CACNA2D3: variants seen among roughly 807,000 people sequenced by gnomAD.
The protein encoded by CACNA2D3 is calcium voltage-gated channel auxiliary subunit alpha2delta 3, also known as voltage-dependent calcium channel subunit alpha-2/delta-3.
A neutral mutation model predicts 160.6 loss-of-function variants in CACNA2D3; 60 were observed. That is an observed-to-expected ratio of 0.37 (90% confidence interval 0.30 to 0.46). CACNA2D3 has a LOEUF of 0.46. CACNA2D3 is among the 20% of genes least tolerant of loss of function. The pLI, the probability that CACNA2D3 is intolerant of heterozygous loss-of-function variation, is 1.00. For synonymous variants in CACNA2D3, 558 were observed against 492.9 expected (o/e 1.13, Z -1.75); for missense variants, 1,205 against 1,365.0 (o/e 0.88, Z 1.85).
rs181364177 is a variant in CACNA2D3, at chr3:54,591,283, A to T, written c.963+9406A>T. Among the ~76,000 whole-genome samples, 100 of 152,274 alleles carry T rather than the reference A, an allele frequency of 6.6e-4. 3 individuals are homozygous for T. In the South Asian group the frequency reaches 9.5e-3, roughly 15 times the overall value. On this transcript the variant is annotated intron_variant, in intron 9 of 37. Coordinates refer to ENST00000474759, the MANE Select transcript of CACNA2D3 (RefSeq NM_018398.3). ...TCCCCTCTCCCCAGCTATCTCCTCT[A>T]GGTGTCTTCCGTGAACTCTGATTGG...
At chr3:54,847,196 C>T (rs1053618829) in intron 17 of CACNA2D3, among the ~76,000 whole-genome samples, 7 of 152,218 alleles carry the variant, frequency 4.6e-5, no homozygotes, top group African/African-American at 1.4e-4. Flanking sequence ...ATGTTTGCCA[C>T]CCCTGAACTA....
chr3:54,586,767 C>T (rs1029865720), intron 9 of CACNA2D3, among the ~76,000 whole-genome samples: 6 of 152,042 alleles, frequency 3.9e-5, no homozygotes, highest in Non-Finnish European at 5.9e-5. Flanking sequence ...GATAAAACAT[C>T]CTGGGTCATA....
intron 4 of CACNA2D3, among the ~76,000 whole-genome samples, chr3:54,459,446 T>A (rs1700458515): frequency 6.7e-6 from 1 of 150,098 alleles, no homozygotes; most frequent in East Asian, 1.9e-4. Context: ...GTTTCCTGAC[T>A]TTTTAATGAT....
At chr3:54,351,278 G>A (rs947396756) in intron 3 of CACNA2D3, among the ~76,000 whole-genome samples, 6 of 151,932 alleles carry the variant, frequency 3.9e-5, no homozygotes, top group African/African-American at 1.5e-4. Flanking sequence ...TACCGCGCCC[G>A]GCCTTGAGTC....
intron 21 of CACNA2D3, among the ~76,000 whole-genome samples, chr3:54,884,175 A>G (rs1414904967): frequency 6.6e-6 from 1 of 152,184 alleles, no homozygotes; most frequent in African/African-American, 2.4e-5. Context: ...AGATAGATGG[A>G]TTGTACTAGG....
At chr3:54,421,223 C>G (rs568366066) in intron 4 of CACNA2D3, among the ~76,000 whole-genome samples, 1 of 152,302 alleles carries the variant, frequency 6.6e-6, no homozygotes, top group African/African-American at 2.4e-5. Flanking sequence ...GCCTTGTGTG[C>G]TTCTTACTGT....
At chr3:54,382,609 C>G (rs1699121347) in intron 3 of CACNA2D3, among the ~76,000 whole-genome samples, 1 of 152,172 alleles carries the variant, frequency 6.6e-6, no homozygotes, top group Non-Finnish European at 1.5e-5. Context: ...ATGGTGAAAC[C>G]CCATCTCTGC....
intron 9 of CACNA2D3, among the ~76,000 whole-genome samples, chr3:54,624,954 C>T (rs1559530307): frequency 6.6e-6 from 1 of 152,248 alleles, no homozygotes; most frequent in Non-Finnish European, 1.5e-5. Flanking sequence ...TGCCCAACTA[C>T]AGCTGGGACG....
chr3:54,888,126 G>T, intron 24 of CACNA2D3, 74 bp downstream of exon 24: 1 of 1,181,298 alleles, frequency 8.5e-7, no homozygotes, highest in Non-Finnish European at 1.3e-6. Context: ...ATGGTTTAAA[G>T]AACTAAACTG....
chr3:54,891,171 A>G (rs1040429686), intron 24 of CACNA2D3, among the ~76,000 whole-genome samples, 184 bp from the exon 25 acceptor site: 13 of 132,984 alleles, frequency 9.8e-5, no homozygotes, highest in Non-Finnish European at 1.7e-4. Flanking sequence ...CAAGTTGGCA[A>G]TCTGTGCTCG....
chr3:54,931,087 CT>C (rs1701177309), intron 27 of CACNA2D3, among the ~76,000 whole-genome samples: 1 of 152,190 alleles, frequency 6.6e-6, no homozygotes, highest in African/African-American at 2.4e-5. Flanking sequence ...CAGAGTGAGA[CT>C]CCTTCTCAAA....
At chr3:54,868,069 G>A (rs887794071) in intron 17 of CACNA2D3, among the ~76,000 whole-genome samples, 1 of 152,178 alleles carries the variant, frequency 6.6e-6, no homozygotes, top group Non-Finnish European at 1.5e-5. Context: ...GCCACTCTCT[G>A]GCCTTTTAAT....
At chr3:54,739,089 C>G (rs1309624411) in intron 11 of CACNA2D3, among the ~76,000 whole-genome samples, 2 of 151,740 alleles carry the variant, frequency 1.3e-5, no homozygotes, top group African/African-American at 4.8e-5. Flanking sequence ...CGAGATCATG[C>G]CACTGCATTC....
intron 4 of CACNA2D3, among the ~76,000 whole-genome samples, chr3:54,421,878 G>C (rs536574801): frequency 8.5e-4 from 130 of 152,212 alleles, no homozygotes; most frequent in Middle Eastern, 6.8e-3. Flanking sequence ...ACTGGGATAA[G>C]AGCCCTTGTC....
chr3:54,141,094 C>CGCGCGCGCGCGCACGTGCGCGCGCACGT (rs768348036), intron 2 of CACNA2D3, among the ~76,000 whole-genome samples: 2 of 81,892 alleles, frequency 2.4e-5, no homozygotes, highest in Non-Finnish European at 6.1e-5. Flanking sequence ...TGTGCGCGCG[C>CGCGCGCGCGCGCACGTGCGCGCGCACGT]GCGCGTGTGT....
At chr3:54,894,959 C>A (rs1460728809) in intron 25 of CACNA2D3, among the ~76,000 whole-genome samples, 3 of 151,264 alleles carry the variant, frequency 2.0e-5, no homozygotes, top group African/African-American at 7.3e-5. Flanking sequence ...CCAAAGTTGG[C>A]CTTAGCCTTC....
intron 4 of CACNA2D3, among the ~76,000 whole-genome samples, chr3:54,414,674 AT>A (rs755143355): frequency 1.3e-5 from 2 of 150,548 alleles, no homozygotes; most frequent in African/African-American, 2.4e-5. Flanking sequence ...TTGTTACAAC[AT>A]TTTTTTTTCT....
intron 11 of CACNA2D3, among the ~76,000 whole-genome samples, chr3:54,666,966 C>A (rs1428346935): frequency 1.3e-5 from 2 of 152,192 alleles, no homozygotes; most frequent in African/African-American, 4.8e-5. Context: ...CATTTGAGGG[C>A]AGTTCTCTGG....
At chr3:54,571,060 C>T (rs368269094) in intron 8 of CACNA2D3, among the ~76,000 whole-genome samples, 1 of 152,082 alleles carries the variant, frequency 6.6e-6, no homozygotes, top group East Asian at 1.9e-4. Flanking sequence ...TTAAGAAATA[C>T]ATTGGTTTGG....
Sources: allele counts gnomAD v4.1 joint callset (sites outside exome capture counted in the v4.1 genomes callset), GRCh38; gene constraint gnomAD v4.1.1; transcripts MANE v1.5; gene names NCBI Gene and HGNC (gene_info 2026-07-23, HGNC 2026-07-21).